Variants in C22orf42 observed in about 807,000 individuals in gnomAD.
C22orf42 encodes the protein chromosome 22 open reading frame 42.
In C22orf42, 24 loss-of-function variants were observed where a neutral mutation model predicts 31.4. That is an observed-to-expected ratio of 0.77 (90% confidence interval 0.55 to 1.08). C22orf42 has a LOEUF of 1.08. Ranked by LOEUF, C22orf42 falls within the 50% of genes least tolerant of loss-of-function variation. The probability of loss-of-function intolerance (pLI) is 0.00; values close to 1 mark genes in which losing one functional copy is unlikely to be tolerated. For missense variants in C22orf42, 276 were observed against 327.3 expected, an observed-to-expected ratio of 0.84 and a Z score of 1.21; for synonymous variants, 96 against 112.7, an observed-to-expected ratio of 0.85 and a Z score of 0.94.
At chr22:32,150,606 G>A in intron 6 of C22orf42, 127 bp from the exon 7 acceptor site, 1 of 874,058 alleles carries the variant, frequency 1.1e-6, no homozygotes, top group Non-Finnish European at 1.9e-6. Flanking sequence ...CTGAGCTGCT[G>A]CTGGACCATT....
At chr22:32,159,417 C>T (rs1210453490), upstream of C22orf42, 11 of 1,420,116 alleles carry the variant, frequency 7.7e-6, no homozygotes, top group African/African-American at 1.3e-4. Context: ...CCCACAGACC[C>T]ACCAAATGCC....
chr22:32,151,101 G>T (rs2094112501), intron 5 of C22orf42, 82 bp from the exon 6 acceptor site: 2 of 1,385,688 alleles, frequency 1.4e-6, no homozygotes, highest in Non-Finnish European at 2.0e-6. Flanking sequence ...TTATTCACCT[G>T]GTGAAATAAA....
At chr22:32,155,059 G>A (rs1921189622) in intron 1 of C22orf42, among the ~76,000 whole-genome samples, 1 of 152,200 alleles carries the variant, frequency 6.6e-6, no homozygotes, top group Non-Finnish European at 1.5e-5. Flanking sequence ...GACGTTTTGA[G>A]TGACTTGCCC....
chr22:32,154,789 T>C (rs1335889834), intron 1 of C22orf42, among the ~76,000 whole-genome samples: 2 of 149,562 alleles, frequency 1.3e-5, no homozygotes, highest in East Asian at 3.9e-4. Flanking sequence ...AGACTCATGC[T>C]TTGTAAATGC....
chr22:32,152,235 T>C (rs1334319224), intron 3 of C22orf42, 141 bp from the exon 4 acceptor site: 1 of 980,700 alleles, frequency 1.0e-6, no homozygotes, highest in Non-Finnish European at 1.6e-6. Flanking sequence ...AAATAAAGCA[T>C]AGAGGATGCT....
In C22orf42 at chr22:32,158,862, G is replaced by A. The variant is rs1211942847; in HGVS notation, c.232+122C>T. On this transcript the variant is annotated intron_variant, in intron 1 of 8. Transcript: ENST00000382097. ...CCCCATGCCTAGCCCTGGGAAAGCC[G>A]GCTATGGGCAGGAGGGAGCTGGAAG... 1.1e-5 allele frequency: 12 copies of A among 1,103,618 alleles called. No homozygotes were observed. The East Asian group carries it at 2.6e-4, about 24-fold the overall frequency. 68.4% of individuals were successfully genotyped at this position (1,103,618 alleles called of 1,614,324 possible).
chr22:32,157,938 T>C (rs541033728), intron 1 of C22orf42, among the ~76,000 whole-genome samples: 3 of 152,390 alleles, frequency 2.0e-5, no homozygotes, highest in Admixed American at 2.0e-4. Flanking sequence ...TGCCTGAGCT[T>C]TCCAGTCCTG....
intron 1 of C22orf42, among the ~76,000 whole-genome samples, chr22:32,158,129 T>C (rs961243142): frequency 1.4e-5 from 2 of 142,976 alleles, no homozygotes; most frequent in Non-Finnish European, 2.9e-5. Flanking sequence ...AAGTAAATGC[T>C]TCTCTCCTGT....
intron 1 of C22orf42, among the ~76,000 whole-genome samples, chr22:32,154,689 C>T (rs1219111479): frequency 2.0e-5 from 3 of 152,150 alleles, no homozygotes; most frequent in African/African-American, 7.2e-5. Context: ...GTTCCCTATT[C>T]TGAGATGTGG....
At chr22:32,153,713 T>C (rs1238407668) in intron 2 of C22orf42, among the ~76,000 whole-genome samples, 1 of 152,196 alleles carries the variant, frequency 6.6e-6, no homozygotes, top group Non-Finnish European at 1.5e-5. Context: ...TTTTAAAAAT[T>C]GTGTTTCCAA....
At position 32,152,064 on chromosome 22, in the gene C22orf42, T is replaced by A. The variant is rs781147335; in HGVS notation, c.400+3A>T. The A allele has an allele frequency of 6.2e-6, 10 of 1,602,426 alleles. No individual in the cohort carries two copies. The highest frequency in any genetic ancestry group is 1.7e-5 in the Admixed American group (1 of 57,322). On this transcript the variant is annotated splice_donor_region_variant and intron_variant, in intron 4 of 8. Transcript: ENST00000382097. ...TAAAGCTGTTTAAAAAAAAAATACG[T>A]ACGGTGGTCGTGCTTGGCCTCAGGT...
intron 2 of C22orf42, among the ~76,000 whole-genome samples, chr22:32,154,030 C>T (rs1921124957): frequency 1.3e-5 from 2 of 151,936 alleles, no homozygotes; most frequent in Non-Finnish European, 2.9e-5. Flanking sequence ...CACACACACA[C>T]ACACACACAC....
Position 32,149,330 on chromosome 22 carries a change from T to C in C22orf42, c.*210A>G. On this transcript the variant is annotated 3_prime_UTR_variant, in exon 9 of 9. Coordinates refer to ENST00000382097, the MANE Select transcript of C22orf42 (RefSeq NM_001010859.3). ...GGCGGGTGTTCTTCTGCATGGTGAC[T>C]GAGAATGTGAGCCTCAGAATGAAAT... The C allele has an allele frequency of 2.2e-6, 1 of 444,520 alleles. No homozygotes were observed. Among genetic ancestry groups the C allele is most frequent in the Non-Finnish European group, 3.5e-6 (1 of 286,366 alleles). 27.5% of individuals were successfully genotyped at this position (444,520 alleles called of 1,614,324 possible).
chr22:32,151,826 A>G (rs1920989602), intron 4 of C22orf42, among the ~76,000 whole-genome samples: 1 of 152,232 alleles, frequency 6.6e-6, no homozygotes, highest in African/African-American at 2.4e-5. Flanking sequence ...GCTGTACTAT[A>G]GAAACAGGAA....
At chr22:32,153,096 A>G (rs539827871) in intron 2 of C22orf42, among the ~76,000 whole-genome samples, 37 of 152,352 alleles carry the variant, frequency 2.4e-4, no homozygotes, top group Non-Finnish European at 4.6e-4. Context: ...TTTTAATGAG[A>G]TTACATTCAA....
intron 1 of C22orf42, among the ~76,000 whole-genome samples, chr22:32,156,215 A>G (rs1254382620): frequency 9.2e-5 from 14 of 152,232 alleles, no homozygotes; most frequent in Non-Finnish European, 1.9e-4. Context: ...TTTATATGCC[A>G]TGTCTAGAAT....
At position 32,152,728 on chromosome 22, in the gene C22orf42, C is replaced by T. The variant is rs5998255; in HGVS notation, c.308-102G>A. ...CGGGGCTGGAGTATGTGGAGGTGGG[C>T]GGTTGACAGGCATGGACTGAGCTGC... On this transcript the variant is annotated intron_variant, in intron 2 of 8. Transcript: ENST00000382097. 2.3e-3 allele frequency: 2,648 copies of T among 1,135,558 alleles called. 29 individuals are homozygous for T. The African/African-American group carries it at 0.034, about 15-fold the overall frequency. The allele number at this position is 1,135,558 out of a possible 1,614,324, so 70.3% of individuals were successfully genotyped here.
At chr22:32,151,438 C>G in intron 5 of C22orf42, 49 bp downstream of exon 5, 7 of 1,567,442 alleles carry the variant, frequency 4.5e-6, no homozygotes, top group Non-Finnish European at 6.2e-6. Context: ...CTAGAAGCCT[C>G]AGAAAAAACA....
intron 4 of C22orf42, among the ~76,000 whole-genome samples, 192 bp from the exon 5 acceptor site, chr22:32,151,743 C>T (rs530610316): frequency 3.9e-5 from 6 of 152,124 alleles, no homozygotes; most frequent in Admixed American, 1.3e-4. Flanking sequence ...AATGAAAGAG[C>T]CTTGGCTTTC....
Sources: gnomAD v4.1 joint callset for allele counts (sites outside exome capture counted in the v4.1 genomes callset) on GRCh38, gnomAD v4.1.1 for gene constraint, MANE v1.5 for transcripts, NCBI Gene and HGNC (gene_info 2026-07-23, HGNC 2026-07-21) for gene names.